Variants in ATP13A4 observed in about 807,000 individuals in gnomAD.
ATP13A4 encodes ATPase 13A4.
ATP13A4 carries 114 observed loss-of-function variants against 142.5 expected under a neutral mutation model. The observed-to-expected ratio is 0.80, with a 90% CI of 0.69 to 0.93. The LOEUF is 0.93. Among genes scored for constraint, ATP13A4 ranks in the 40% least tolerant of loss-of-function variants. The pLI, the probability that ATP13A4 is intolerant of heterozygous loss-of-function variation, is 0.00. For missense variants in ATP13A4, 1,392 were observed against 1,454.0 expected, an observed-to-expected ratio of 0.96 and a Z score of 0.69; for synonymous variants, 488 against 514.8, an observed-to-expected ratio of 0.95 and a Z score of 0.70.
chr3:193,557,561 T>C (rs1259737589), upstream of ATP13A4, among the ~76,000 whole-genome samples: 1 of 152,234 alleles, frequency 6.6e-6, no homozygotes, highest in African/African-American at 2.4e-5. Context: ...TGGTCATTCT[T>C]ATTTGACAGA....
chr3:193,468,895 G>T (rs1172003685), intron 9 of ATP13A4, among the ~76,000 whole-genome samples: 1 of 152,258 alleles, frequency 6.6e-6, no homozygotes, highest in East Asian at 1.9e-4. Context: ...TCAACACAGG[G>T]ATTACAGGAG....
At chr3:193,558,423 C>G (rs1723949488), upstream of ATP13A4, among the ~76,000 whole-genome samples, 1 of 152,198 alleles carries the variant, frequency 6.6e-6, no homozygotes, top group Non-Finnish European at 1.5e-5. Flanking sequence ...ATTCCATTCA[C>G]TCATTCACTT....
In ATP13A4 at chr3:193,454,652, A is replaced by G. The variant is rs189856496; in HGVS notation, c.1916-440T>C. Among the ~76,000 whole-genome samples, 5 of 152,316 alleles carry G rather than the reference A, an allele frequency of 3.3e-5. No homozygotes were observed. In the East Asian group the frequency reaches 9.7e-4, roughly 29 times the overall value. On this transcript the variant is annotated intron_variant, in intron 16 of 29. Transcript: ENST00000342695. ...CCATTCAATAAATTGTCCTGAAATA[A>G]CTGGCTAACTGTATGCAGAAGACTG...
chr3:193,573,157 T>C (rs1724306839), intron 2 of ATP13A4, among the ~76,000 whole-genome samples: 1 of 150,028 alleles, frequency 6.7e-6, no homozygotes, highest in South Asian at 2.1e-4. Flanking sequence ...ATATAATGTT[T>C]AGCAAAACTC....
rs1716641202 is a variant in ATP13A4, at chr3:193,441,537, T to C, written c.2368A>G (p.Ser790Gly). The change falls in exon 20 of 30, where the codon AGT becomes GGT. Residue 790 changes from serine (S) to glycine (G), a missense_variant. Transcript: ENST00000342695. The part of the protein sequence containing the change: ...DEVSDKGREG[S>G]YHFALTGKSF... Reference sequence around the variant, plus strand: ...TTTCCAGTTAGGGCAAAATGGTAACTTCCTTCTCTGCCTTTATCAGAGACT... The same window carrying C: ...TTTCCAGTTAGGGCAAAATGGTAACCTCCTTCTCTGCCTTTATCAGAGACT... 17 of 1,613,466 alleles carry C rather than the reference T, an allele frequency of 1.1e-5. No individual in the cohort carries two copies. Among genetic ancestry groups the C allele is most frequent in the Non-Finnish European group, 1.4e-5 (17 of 1,179,450 alleles).
chr3:193,573,277 A>G lies in ATP13A4; in HGVS notation n.291+8430T>C, dbSNP rs866983710. On this transcript the variant is annotated intron_variant and non_coding_transcript_variant, in intron 2 of 3. Coordinates refer to the ATP13A4 transcript ENST00000489140. ...ACCACAGCCATATATATATATATAC[A>G]TATATATATATACACATATATATAT... Among the ~76,000 whole-genome samples the G allele has an allele frequency of 6.5e-3, 470 of 71,796 alleles. 3 individuals carry two copies. The highest frequency in any genetic ancestry group is 0.012 in the Middle Eastern group (2 of 168). The allele number at this position is 71,796 out of a possible 152,430, so 47.1% of individuals were successfully genotyped here.
chr3:193,411,876 G>C (rs972689968), intron 27 of ATP13A4, among the ~76,000 whole-genome samples: 2 of 152,186 alleles, frequency 1.3e-5, no homozygotes, highest in Non-Finnish European at 2.9e-5. Context: ...ATTCTGACAA[G>C]TACTGACAAG....
intron 1 of ATP13A4, among the ~76,000 whole-genome samples, chr3:193,531,972 T>C (rs1230984758): frequency 6.6e-6 from 1 of 152,168 alleles, no homozygotes; most frequent in Non-Finnish European, 1.5e-5. Flanking sequence ...AATGATCATA[T>C]AGCCCCTATT....
At chr3:193,520,492 G>A (rs1313240417) in intron 1 of ATP13A4, among the ~76,000 whole-genome samples, 2 of 152,138 alleles carry the variant, frequency 1.3e-5, no homozygotes, top group Non-Finnish European at 2.9e-5. Flanking sequence ...CTGTCTCCAA[G>A]AGTTGAAAAG....
intron 1 of ATP13A4, among the ~76,000 whole-genome samples, chr3:193,543,568 T>G (rs1377444721): frequency 1.3e-5 from 2 of 152,156 alleles, no homozygotes; most frequent in Non-Finnish European, 2.9e-5. Flanking sequence ...AACCAACTGG[T>G]TAGGACAATC....
chr3:193,424,960 C>T (rs1715581895), intron 25 of ATP13A4, among the ~76,000 whole-genome samples: 1 of 146,190 alleles, frequency 6.8e-6, no homozygotes, highest in Non-Finnish European at 1.5e-5. Flanking sequence ...GGATTAATAT[C>T]CAGATTATAT....
At chr3:193,583,144 A>T (rs1577090407) in intron 1 of ATP13A4, among the ~76,000 whole-genome samples, 1 of 151,216 alleles carries the variant, frequency 6.6e-6, no homozygotes, top group East Asian at 2.0e-4. Flanking sequence ...CATAAAAATA[A>T]AGAAGGGGCT....
At chr3:193,585,524 T>C (rs1305768175) in intron 1 of ATP13A4, among the ~76,000 whole-genome samples, 1 of 152,076 alleles carries the variant, frequency 6.6e-6, no homozygotes, top group African/African-American at 2.4e-5. Flanking sequence ...CTATTGTTAG[T>C]TTATTTTATG....
At chr3:193,500,123 G>T (rs1720458315) in intron 3 of ATP13A4, among the ~76,000 whole-genome samples, 1 of 152,186 alleles carries the variant, frequency 6.6e-6, no homozygotes, top group Admixed American at 6.5e-5. Context: ...ATTTGCAAGA[G>T]ATGAGGTTTA....
chr3:193,473,500 T>C (rs527441694), intron 8 of ATP13A4, among the ~76,000 whole-genome samples: 157 of 152,202 alleles, frequency 1.0e-3, no homozygotes, highest in African/African-American at 3.5e-3. Context: ...AACTAGTGGG[T>C]GAAAAATTGA....
intron 8 of ATP13A4, among the ~76,000 whole-genome samples, chr3:193,483,259 G>C (rs1719396185): frequency 6.6e-6 from 1 of 152,106 alleles, no homozygotes; most frequent in African/African-American, 2.4e-5. Flanking sequence ...TGAGGGATGG[G>C]GGAGTTGGGA....
At chr3:193,582,432 C>G (rs925061648) in intron 1 of ATP13A4, among the ~76,000 whole-genome samples, 14 of 148,240 alleles carry the variant, frequency 9.4e-5, no homozygotes, top group Non-Finnish European at 1.9e-4. Flanking sequence ...CAGGCGTGAG[C>G]CACCGCACCT....
At position 193,502,533 on chromosome 3, in the gene ATP13A4, T is replaced by G; in HGVS notation, c.341A>C (p.Glu114Ala). 6 of 1,613,994 alleles carry G rather than the reference T, an allele frequency of 3.7e-6. No homozygotes were observed. Among genetic ancestry groups the G allele is most frequent in the Non-Finnish European group, 5.1e-6 (6 of 1,179,886 alleles). ...TPDHPLMTDE[E>A]YIINRAIRKP... Reference sequence around the variant, plus strand: ...TCTTATGGCTCTATTTATGATATACTCCTCATCTGTCATGAGAGGGTGGTC... The same window carrying G: ...TCTTATGGCTCTATTTATGATATACGCCTCATCTGTCATGAGAGGGTGGTC... Residue 114 changes from glutamate (E) to alanine (A), a missense_variant, in exon 3 of 30, where the codon GAG (glutamate) becomes GCG (alanine). Coordinates refer to ENST00000342695, the MANE Select transcript of ATP13A4 (RefSeq NM_032279.4).
intron 8 of ATP13A4, 137 bp from the exon 9 acceptor site, chr3:193,471,130 G>C (rs1283921113): frequency 8.6e-7 from 1 of 1,163,586 alleles, no homozygotes; most frequent in Non-Finnish European, 1.2e-6. Context: ...CCTCAACATT[G>C]ATTCAAAATT....
Sources: gnomAD v4.1 joint callset for allele counts (sites outside exome capture counted in the v4.1 genomes callset) on GRCh38, gnomAD v4.1.1 for gene constraint, MANE v1.5 for transcripts, NCBI Gene and HGNC (gene_info 2026-07-23, HGNC 2026-07-21) for gene names.